The following DNAI4 variants were observed in gnomAD, a reference collection of about 807,000 sequenced individuals.
DNAI4 encodes dynein axonemal intermediate chain 4, also known as WD repeat domain 78.
Under a neutral mutation model 105.8 loss-of-function variants are expected in DNAI4, and 85 were observed. That is an observed-to-expected ratio of 0.80 (90% confidence interval 0.67 to 0.96). DNAI4 has a LOEUF of 0.96. DNAI4 is among the 40% of genes least tolerant of loss of function. The pLI, the probability that DNAI4 is intolerant of heterozygous loss-of-function variation, is 0.00. For missense variants in DNAI4, 1,014 were observed against 1,005.6 expected (o/e 1.01, Z -0.11); for synonymous variants, 352 against 331.5 (o/e 1.06, Z -0.67).
At chr1:66,863,642 A>G (rs1450358014) in intron 6 of DNAI4, among the ~76,000 whole-genome samples, 2 of 152,070 alleles carry the variant, frequency 1.3e-5, no homozygotes, top group African/African-American at 4.8e-5. Context: ...TATTTTTAGT[A>G]GAGATGGGGT....
chr1:66,837,686 G>T (rs1287902902), intron 10 of DNAI4, 24 bp downstream of exon 10: 2 of 1,589,066 alleles, frequency 1.3e-6, no homozygotes, highest in Non-Finnish European at 8.6e-7. Context: ...AGATAAAAAT[G>T]CTTCTTATTC....
At chr1:66,884,702 AG>A (rs1327885362) in intron 4 of DNAI4, among the ~76,000 whole-genome samples, 1 of 152,154 alleles carries the variant, frequency 6.6e-6, no homozygotes, top group Non-Finnish European at 1.5e-5. Flanking sequence ...ATCTTAGTCT[AG>A]CTTTGGCATC....
chr1:66,905,038 C>G (rs996784719), intron 2 of DNAI4, 163 bp downstream of exon 2: 3 of 494,412 alleles, frequency 6.1e-6, no homozygotes, highest in Non-Finnish European at 1.0e-5. Flanking sequence ...AGCCAAGTGT[C>G]AATATTATGT....
chr1:66,878,732 A>G (rs973761230), intron 4 of DNAI4, among the ~76,000 whole-genome samples: 4 of 152,102 alleles, frequency 2.6e-5, no homozygotes, highest in African/African-American at 9.7e-5. Flanking sequence ...CACTCCAACA[A>G]TGGTGAGTTC....
At chr1:66,916,179 G>A (rs1650061216) in intron 1 of DNAI4, among the ~76,000 whole-genome samples, 1 of 150,458 alleles carries the variant, frequency 6.6e-6, no homozygotes, top group South Asian at 2.1e-4. Context: ...GGACAAACCA[G>A]AAAGTTCAAG....
intron 2 of DNAI4, 31 bp downstream of exon 2, chr1:66,905,170 T>C (rs1244543465): frequency 9.0e-6 from 13 of 1,447,180 alleles, no homozygotes; most frequent in Non-Finnish European, 1.2e-5. Flanking sequence ...AGTGCCATTT[T>C]CAAATAAACT....
chr1:66,902,577 ATT>A (rs1648915294), intron 2 of DNAI4, among the ~76,000 whole-genome samples: 1 of 151,946 alleles, frequency 6.6e-6, no homozygotes, highest in Non-Finnish European at 1.5e-5. Flanking sequence ...CAATATATAT[ATT>A]TTTTCTTTAG....
At chr1:66,923,469 G>A (rs1650717915) in intron 1 of DNAI4, among the ~76,000 whole-genome samples, 1 of 152,182 alleles carries the variant, frequency 6.6e-6, no homozygotes, top group Non-Finnish European at 1.5e-5. Flanking sequence ...CAAAGGATCT[G>A]GGAAAGGTGA....
At chr1:66,924,539 G>A (rs1010837823) in intron 1 of DNAI4, 123 bp downstream of exon 1, 2 of 1,316,798 alleles carry the variant, frequency 1.5e-6, no homozygotes, top group African/African-American at 1.5e-5. Flanking sequence ...GAGCTTCAAG[G>A]TCTACAGACT....
chr1:66,823,417 T>C (rs1192931229), intron 15 of DNAI4, among the ~76,000 whole-genome samples: 1 of 152,092 alleles, frequency 6.6e-6, no homozygotes, highest in Non-Finnish European at 1.5e-5. Flanking sequence ...CCTTTAGGTA[T>C]ATACCCAGTA....
At chr1:66,885,020 TG>T (rs1254589133) in intron 4 of DNAI4, among the ~76,000 whole-genome samples, 1 of 152,368 alleles carries the variant, frequency 6.6e-6, no homozygotes, top group East Asian at 1.9e-4. Context: ...ATCCCCAAAT[TG>T]TGATAAGTTG....
At chr1:66,835,203 G>T (rs986025205) in intron 11 of DNAI4, among the ~76,000 whole-genome samples, 2 of 119,214 alleles carry the variant, frequency 1.7e-5, no homozygotes, top group Admixed American at 1.6e-4. Flanking sequence ...CAGATAGATA[G>T]ATAGATAGAT....
intron 15 of DNAI4, among the ~76,000 whole-genome samples, chr1:66,824,890 G>T (rs1408010323): frequency 6.6e-6 from 1 of 152,184 alleles, no homozygotes; most frequent in Non-Finnish European, 1.5e-5. Context: ...AGAAAAGAAT[G>T]ATATCCACCA....
chr1:66,893,013 G>GAGA (rs1363213870), intron 3 of DNAI4, among the ~76,000 whole-genome samples: 1 of 106,682 alleles, frequency 9.4e-6, no homozygotes, highest in African/African-American at 3.8e-5. Context: ...AAGAGAGAGA[G>GAGA]GAAAGAAAGA....
rs561523842 is a variant in DNAI4, at chr1:66,834,159, A to C, written c.1734-11T>G. Reference sequence around the variant, plus strand: ...TTTTGAGGTGATTCACTAAAACAGTAAAAAAAATACTAAACATATAATCAT... The same window carrying C: ...TTTTGAGGTGATTCACTAAAACAGTCAAAAAAATACTAAACATATAATCAT... On this transcript the variant is annotated splice_polypyrimidine_tract_variant and intron_variant, in intron 11 of 16. Coordinates refer to ENST00000371026, the MANE Select transcript of DNAI4 (RefSeq NM_024763.5). 6.4e-7 allele frequency: 1 copy of C among 1,563,908 alleles called. No homozygotes were observed. The highest frequency in any genetic ancestry group is 8.7e-7 in the Non-Finnish European group (1 of 1,154,658).
At chr1:66,875,423 G>A (rs1569706119) in intron 4 of DNAI4, among the ~76,000 whole-genome samples, 1 of 152,032 alleles carries the variant, frequency 6.6e-6, no homozygotes, top group African/African-American at 2.4e-5. Context: ...TCTTCACCAG[G>A]GGTAAAGACT....
intron 4 of DNAI4, among the ~76,000 whole-genome samples, chr1:66,889,208 T>TA (rs1647385455): frequency 6.6e-6 from 1 of 152,152 alleles, no homozygotes; most frequent in Admixed American, 6.5e-5. Flanking sequence ...CTTTTAAAGC[T>TA]AAGGGTGGTC....
At chr1:66,816,034 A>C (rs577289835) in intron 16 of DNAI4, among the ~76,000 whole-genome samples, 2 of 152,294 alleles carry the variant, frequency 1.3e-5, no homozygotes, top group South Asian at 4.1e-4. Flanking sequence ...AGGGCCAGGC[A>C]TGGTGGCTCA....
intron 8 of DNAI4, among the ~76,000 whole-genome samples, chr1:66,841,908 A>G (rs959715891): frequency 2.0e-5 from 3 of 152,226 alleles, no homozygotes; most frequent in African/African-American, 7.2e-5. Flanking sequence ...ACAAACGTGT[A>G]TAATGACATG....
Sources: gnomAD v4.1 joint callset for allele counts (sites outside exome capture counted in the v4.1 genomes callset) on GRCh38, gnomAD v4.1.1 for gene constraint, MANE v1.5 for transcripts, NCBI Gene and HGNC (gene_info 2026-07-23, HGNC 2026-07-21) for gene names.